The following EHHADH variants were observed in gnomAD, a reference collection of about 807,000 sequenced individuals.
EHHADH encodes the protein enoyl-CoA hydratase and 3-hydroxyacyl CoA dehydrogenase.
In EHHADH, 48 loss-of-function variants were observed where a neutral mutation model predicts 64.4. The ratio of observed to expected loss-of-function variants is 0.75; its 90% CI spans 0.59 to 0.95. The LOEUF is 0.95. EHHADH is among the 40% of genes least tolerant of loss of function. The pLI, the probability that EHHADH is intolerant of heterozygous loss-of-function variation, is 0.00. For missense variants in EHHADH, 854 were observed against 876.6 expected, an observed-to-expected ratio of 0.97 and a Z score of 0.33; for synonymous variants, 308 against 326.7, an observed-to-expected ratio of 0.94 and a Z score of 0.62.
chr3:185,193,017 T>C lies in EHHADH; in HGVS notation c.1381A>G (p.Asn461Asp). ...ATCTTTTTAATCTTTTTTGATAAGT[T>C]CATAACAGTGGCAATGGTAGTGGGG... ...SSPTTIATVM[N>D]LSKKIKKIGV... is the part of the protein sequence containing the mutation. Residue 461 changes from asparagine to aspartate, a missense_variant, in exon 7 of 7, where the codon AAC (asparagine) becomes GAC (aspartate). Physicochemically the swap from Asn to Asp is conservative, Grantham distance 23 (BLOSUM62 1). Transcript: ENST00000231887. The C allele has an allele frequency of 6.2e-7, 1 of 1,614,244 alleles. No homozygotes were observed. Among genetic ancestry groups the C allele is most frequent in the Non-Finnish European group, 8.5e-7 (1 of 1,180,050 alleles).
intron 1 of EHHADH, among the ~76,000 whole-genome samples, 166 bp from the exon 2 acceptor site, chr3:185,248,683 T>C (rs1719662633): frequency 6.6e-6 from 1 of 152,250 alleles, no homozygotes; most frequent in South Asian, 2.1e-4. Context: ...ACTATGACTA[T>C]TAAATTTCTT....
intron 6 of EHHADH, among the ~76,000 whole-genome samples, chr3:185,198,706 G>A (rs563211578): frequency 3.9e-5 from 6 of 151,900 alleles, no homozygotes; most frequent in South Asian, 2.1e-4. Context: ...AAAATTAGCC[G>A]GGCATAGTGG....
chr3:185,253,772 A>AAAAAAG (rs1553780971), intron 1 of EHHADH, 177 bp downstream of exon 1: 24,424 of 1,324,408 alleles, frequency 0.018, 199 homozygotes, highest in East Asian at 0.12. Flanking sequence ...AAAAAAAAAA[A>AAAAAAG]AAAAGAAAAG....
intron 1 of EHHADH, among the ~76,000 whole-genome samples, chr3:185,251,211 T>C (rs377629308): frequency 1.4e-4 from 3 of 21,978 alleles, no homozygotes; most frequent in African/African-American, 2.2e-4. Context: ...AGGTCTTTCC[T>C]TTTTTTTTTA....
chr3:185,217,148 T>C (rs1718701992), intron 5 of EHHADH, among the ~76,000 whole-genome samples: 1 of 152,076 alleles, frequency 6.6e-6, no homozygotes, highest in Non-Finnish European at 1.5e-5. Context: ...GGGAGCCTGG[T>C]GGGAGGTTAC....
chr3:185,194,796 G>A (rs71318400), intron 6 of EHHADH, among the ~76,000 whole-genome samples: 5 of 4,540 alleles, frequency 1.1e-3, no homozygotes, highest in Admixed American at 4.6e-3. Context: ...GTGAGACCCT[G>A]TCTCAAAAAA....
intron 4 of EHHADH, among the ~76,000 whole-genome samples, chr3:185,226,367 G>A (rs991110560): frequency 6.6e-6 from 1 of 152,178 alleles, no homozygotes; most frequent in Admixed American, 6.5e-5. Context: ...AGATCCTCCA[G>A]GCCGGGCACA....
chr3:185,240,224 G>GT (rs200285783), intron 2 of EHHADH, among the ~76,000 whole-genome samples: 8,725 of 124,784 alleles, frequency 0.07, 335 homozygotes, highest in East Asian at 0.11. Context: ...TTTAGTTTTT[G>GT]TTTTTTTTTT....
chr3:185,193,899 A>T (rs1717986247), intron 6 of EHHADH, among the ~76,000 whole-genome samples: 1 of 152,256 alleles, frequency 6.6e-6, no homozygotes, highest in Non-Finnish European at 1.5e-5. Flanking sequence ...ACTAAAAAGT[A>T]CAAAACATTG....
chr3:185,208,320 A>C (rs1182655783), intron 5 of EHHADH, among the ~76,000 whole-genome samples: 1 of 152,170 alleles, frequency 6.6e-6, no homozygotes, highest in African/African-American at 2.4e-5. Flanking sequence ...CCTGACCCCT[A>C]ATCAACCTGA....
At chr3:185,253,043 C>T (rs1719791143) in intron 1 of EHHADH, among the ~76,000 whole-genome samples, 1 of 151,752 alleles carries the variant, frequency 6.6e-6, no homozygotes, top group South Asian at 2.1e-4. Context: ...GCAAATACTC[C>T]CCAGTGAGAA....
rs1408928062 is a variant in EHHADH, at chr3:185,192,559, G to A, written c.1839C>T (p.Thr613=). The A allele has an allele frequency of 1.2e-6, 2 of 1,614,036 alleles. No individual in the cohort carries two copies. Among genetic ancestry groups the A allele is most frequent in the Non-Finnish European group, 1.7e-6 (2 of 1,180,036 alleles). The change falls in exon 7 of 7, where the codon ACC becomes ACT. Residue 613 remains threonine (T), a synonymous_variant. Transcript: ENST00000231887. The part of the protein sequence containing the change: ...YRKTHHIEPR[T]ISQDEILERC... The stretch of plus-strand genomic sequence containing the variant: ...GTTCAAGGATCTCATCCTGGCTAAT[G>A]GTACGTGGTTCAATGTGATGGGTTT...
intron 4 of EHHADH, among the ~76,000 whole-genome samples, chr3:185,224,501 C>CAAAAAAAAA (rs757023353): frequency 1.9e-5 from 1 of 51,606 alleles, no homozygotes; most frequent in African/African-American, 6.6e-5. Context: ...ACCCTGTCAC[C>CAAAAAAAAA]AAAAAAAAAA....
chr3:185,222,318 G>A (rs1647268787), intron 4 of EHHADH, among the ~76,000 whole-genome samples: 1 of 152,132 alleles, frequency 6.6e-6, no homozygotes, highest in African/African-American at 2.4e-5. Flanking sequence ...GGGAGGCGGA[G>A]GCTGCAGTGA....
At position 185,216,123 on chromosome 3, in the gene EHHADH, A is replaced by G. The variant is rs1315386382; in HGVS notation, c.568+2013T>C. On this transcript the variant is annotated intron_variant, in intron 5 of 6. Transcript: ENST00000231887. The surrounding 1 kb of genome is among the most constrained non-coding windows in gnomAD (Gnocchi z 5.3). The stretch of plus-strand genomic sequence containing the variant: ...TGAAACACTATTTTGTAAGTTTTAT[A>G]AAGTAAAAATGCTTAATTTAATGTT... 6.6e-6 allele frequency among the ~76,000 whole-genome samples: 1 copy of G among 152,192 alleles called. No individual in the cohort carries two copies. Among genetic ancestry groups the G allele is most frequent in the Non-Finnish European group, 1.5e-5 (1 of 68,028 alleles).
Position 185,218,205 on chromosome 3 carries a change from C to T in EHHADH, c.499G>A (p.Gly167Ser). Residue 167 changes from glycine (G) to serine (S), a missense_variant, in exon 5 of 7, where the codon GGC becomes AGC. Transcript: ENST00000231887. Reference sequence around the variant, plus strand: ...GAGTTTACAACTTTATCTAGAATGCCCAGCTTGAGTGCTTCATCTGCTAAA... The same window carrying T: ...GAGTTTACAACTTTATCTAGAATGCTCAGCTTGAGTGCTTCATCTGCTAAA... ...RILADEALKLGILDKVVNSDP... is the reference protein window; with the variant it reads ...RILADEALKLSILDKVVNSDP... The T allele has an allele frequency of 1.2e-6, 2 of 1,605,446 alleles. No homozygotes were observed. The highest frequency in any genetic ancestry group is 1.7e-6 in the Non-Finnish European group (2 of 1,176,950).
chr3:185,248,467 T>C lies in EHHADH; in HGVS notation c.125A>G (p.Asp42Gly). Residue 42 changes from aspartate (D) to glycine (G), a missense_variant, in exon 2 of 7, where the codon GAC becomes GGC. Asp to Gly is a moderately conservative substitution (Grantham distance 94). Transcript: ENST00000231887. ...AATCACAATGGCTTTTATTGTATGGTCTATTACAGCTTTCTGTAGTCCTTC... is the reference window on the plus strand; with the variant it reads ...AATCACAATGGCTTTTATTGTATGGCCTATTACAGCTTTCTGTAGTCCTTC... ...IKEGLQKAVI[D>G]HTIKAIVICG... 1 of 1,614,146 alleles carries C rather than the reference T, an allele frequency of 6.2e-7. No individual in the cohort carries two copies. Among genetic ancestry groups the C allele is most frequent in the Non-Finnish European group, 8.5e-7 (1 of 1,180,006 alleles).
intron 4 of EHHADH, among the ~76,000 whole-genome samples, chr3:185,225,794 T>G (rs1718957807): frequency 6.6e-6 from 1 of 152,206 alleles, no homozygotes; most frequent in Non-Finnish European, 1.5e-5. Flanking sequence ...CAGGTCTTTG[T>G]ACTTGCTATT....
At chr3:185,249,407 TG>T (rs1264812541) in intron 1 of EHHADH, among the ~76,000 whole-genome samples, 1 of 152,142 alleles carries the variant, frequency 6.6e-6, no homozygotes, top group African/African-American at 2.4e-5. Context: ...GGATTACAGG[TG>T]TGAGCCACCG....
Sources: gnomAD v4.1 joint callset for allele counts (sites outside exome capture counted in the v4.1 genomes callset) on GRCh38, gnomAD v4.1.1 for gene constraint, Gnocchi (gnomAD v3.1) non-coding constraint, MANE v1.5 for transcripts, NCBI Gene and HGNC (gene_info 2026-07-23, HGNC 2026-07-21) for gene names.